NCOA3: variants seen among roughly 807,000 people sequenced by gnomAD.
NCOA3 encodes the protein nuclear receptor coactivator 3.
In NCOA3, 51 loss-of-function variants were observed where a neutral mutation model predicts 158.8. The ratio of observed to expected loss-of-function variants is 0.32; its 90% CI spans 0.26 to 0.41. The LOEUF is 0.41. Among genes scored for constraint, NCOA3 ranks in the 10% least tolerant of loss-of-function variants. NCOA3 has a pLI of 1.00. For missense variants in NCOA3, 1,510 were observed against 1,746.6 expected, an observed-to-expected ratio of 0.86 and a Z score of 2.41; for synonymous variants, 537 against 592.4, an observed-to-expected ratio of 0.91 and a Z score of 1.36.
At position 47,655,099 on chromosome 20, in the gene NCOA3, C is replaced by G. The variant is rs918513463; in HGVS notation, c.*1682C>G. On this transcript the variant is annotated 3_prime_UTR_variant, in exon 23 of 23. Transcript: ENST00000371998. ...TTCTTAAGTAACTCAGTACCCAGAACAGCCAGTTTTACTGTGATTCAGAGC... is the reference window on the plus strand; with the variant it reads ...TTCTTAAGTAACTCAGTACCCAGAAGAGCCAGTTTTACTGTGATTCAGAGC... 1.1e-4 allele frequency: 17 copies of G among 152,204 alleles called. 1 individual carries two copies. Among genetic ancestry groups the G allele is most frequent in the African/African-American group, 4.1e-4 (17 of 41,448 alleles). The allele number at this position is 152,204 out of a possible 1,614,324, so 9.4% of individuals were successfully genotyped here.
chr20:47,586,951 G>T (rs749125173), intron 2 of NCOA3, among the ~76,000 whole-genome samples: 19 of 152,092 alleles, frequency 1.2e-4, no homozygotes, highest in Non-Finnish European at 2.2e-4. Context: ...CCACCATTTG[G>T]TTTTTTTGCC....
intron 1 of NCOA3, among the ~76,000 whole-genome samples, chr20:47,508,152 A>G (rs2084058557): frequency 6.6e-6 from 1 of 152,212 alleles, no homozygotes; most frequent in Non-Finnish European, 1.5e-5. Context: ...CATATAAGAA[A>G]AAGACTGTTC....
At chr20:47,647,007 T>G (rs1257382307) in intron 17 of NCOA3, 66 bp from the exon 18 acceptor site, 6 of 1,478,660 alleles carry the variant, frequency 4.1e-6, no homozygotes, top group Non-Finnish European at 5.5e-6. Flanking sequence ...GCACTTTCTT[T>G]AGAGCATTTG....
At chr20:47,521,675 A>G (rs2084336529) in intron 1 of NCOA3, among the ~76,000 whole-genome samples, 1 of 146,556 alleles carries the variant, frequency 6.8e-6, no homozygotes, top group East Asian at 2.0e-4. Context: ...GGAACAGGTA[A>G]TCAAAAAAGG....
At chr20:47,525,544 CG>C (rs2084417316) in intron 1 of NCOA3, among the ~76,000 whole-genome samples, 1 of 144,246 alleles carries the variant, frequency 6.9e-6, no homozygotes, top group African/African-American at 2.6e-5. Context: ...CTGGACGGGG[CG>C]GCTGGCCGGA....
chr20:47,513,100 C>T (rs1418931228), intron 1 of NCOA3, among the ~76,000 whole-genome samples: 1 of 151,352 alleles, frequency 6.6e-6, no homozygotes, highest in African/African-American at 2.4e-5. Context: ...GCCCAGAAGG[C>T]AGAGGTTGCA....
intron 1 of NCOA3, among the ~76,000 whole-genome samples, chr20:47,579,636 A>G (rs2085421917): frequency 6.6e-6 from 1 of 152,172 alleles, no homozygotes; most frequent in Non-Finnish European, 1.5e-5. Flanking sequence ...CAAGCCAATC[A>G]TTGTTCTGTG....
At chr20:47,529,979 C>G (rs1302408125) in intron 1 of NCOA3, among the ~76,000 whole-genome samples, 1 of 152,198 alleles carries the variant, frequency 6.6e-6, no homozygotes, top group African/African-American at 2.4e-5. Flanking sequence ...TCCACTATTT[C>G]CCATAATAAC....
chr20:47,625,009 G>A (rs1272210342), intron 4 of NCOA3, among the ~76,000 whole-genome samples: 1 of 152,136 alleles, frequency 6.6e-6, no homozygotes. Flanking sequence ...CTGACCTCAG[G>A]TGATCCACCC....
intron 1 of NCOA3, among the ~76,000 whole-genome samples, chr20:47,574,472 T>C (rs2085341911): frequency 1.3e-5 from 2 of 150,420 alleles, no homozygotes; most frequent in Admixed American, 6.6e-5. Flanking sequence ...TTCTAGTTGC[T>C]ACTATGTATA....
chr20:47,539,277 C>T (rs1437681737), intron 1 of NCOA3, among the ~76,000 whole-genome samples: 1 of 152,150 alleles, frequency 6.6e-6, no homozygotes, highest in East Asian at 1.9e-4. Flanking sequence ...GAGTTTGAGG[C>T]TGCAGTGAGC....
At chr20:47,633,982 G>C in intron 9 of NCOA3, 66 bp from the exon 10 acceptor site, 2 of 1,567,124 alleles carry the variant, frequency 1.3e-6, no homozygotes, top group Non-Finnish European at 1.7e-6. Context: ...TTTCCTCCCT[G>C]TCCCCTCCTA....
intron 1 of NCOA3, among the ~76,000 whole-genome samples, chr20:47,531,282 G>A (rs905756923): frequency 6.6e-6 from 1 of 152,134 alleles, no homozygotes; most frequent in Non-Finnish European, 1.5e-5. Context: ...GAGGCTGCAT[G>A]CAGTGAGCCG....
At chr20:47,648,366 A>G (rs2086726170) in intron 18 of NCOA3, among the ~76,000 whole-genome samples, 1 of 152,182 alleles carries the variant, frequency 6.6e-6, no homozygotes, top group Non-Finnish European at 1.5e-5. Context: ...GTTTATTCAG[A>G]ATTCCTCTGA....
chr20:47,525,942 A>ACC (rs1295281382), intron 1 of NCOA3, among the ~76,000 whole-genome samples: 9 of 76,970 alleles, frequency 1.2e-4, no homozygotes, highest in Non-Finnish European at 1.9e-4. Context: ...CGGGGGGCTG[A>ACC]CCCCCCCACC....
intron 8 of NCOA3, chr20:47,631,292 GT>G (rs1294850053): frequency 6.6e-6 from 1 of 152,212 alleles, no homozygotes; most frequent in Non-Finnish European, 1.5e-5. Context: ...TGCAGTTTTG[GT>G]TCCTTGAGCC....
chr20:47,581,856 T>C (rs1010393351), intron 1 of NCOA3, among the ~76,000 whole-genome samples: 2 of 152,228 alleles, frequency 1.3e-5, no homozygotes, highest in African/African-American at 4.8e-5. Flanking sequence ...CTTGCTAATA[T>C]TTTGTTTTGG....
At chr20:47,504,752 C>T (rs2083999503) in intron 1 of NCOA3, among the ~76,000 whole-genome samples, 2 of 149,964 alleles carry the variant, frequency 1.3e-5, no homozygotes, top group Middle Eastern at 3.4e-3. Flanking sequence ...TGCAGTGAGC[C>T]GAGATTGCAC....
rs573073843 is a variant in NCOA3 at position 47,654,235 on chromosome 20, C to G, written c.*818C>G. The stretch of plus-strand genomic sequence containing the variant: ...CCTACACTTACGTGTTAGACAAGAA[C>G]TATGATTTTTTTTTTTAAAGTACTG... On this transcript the variant is annotated 3_prime_UTR_variant, in exon 23 of 23. Coordinates refer to ENST00000371998, the MANE Select transcript of NCOA3 (RefSeq NM_181659.3). 1.3e-5 allele frequency: 2 copies of G among 152,510 alleles called. No individual in the cohort carries two copies. The highest frequency in any genetic ancestry group is 3.9e-4 in the East Asian group (2 of 5,182). The allele number at this position is 152,510 out of a possible 1,614,324, so 9.4% of individuals were successfully genotyped here.
Sources: gnomAD v4.1 joint callset for allele counts (sites outside exome capture counted in the v4.1 genomes callset) on GRCh38, gnomAD v4.1.1 for gene constraint, MANE v1.5 for transcripts, NCBI Gene and HGNC (gene_info 2026-07-23, HGNC 2026-07-21) for gene names.